Variants in PTGFR observed in about 807,000 individuals in gnomAD.
PTGFR encodes prostaglandin F2-alpha receptor.
Under a neutral mutation model 26.2 loss-of-function variants are expected in PTGFR, and 15 were observed. The ratio of observed to expected loss-of-function variants is 0.57; its 90% CI spans 0.38 to 0.88. PTGFR has a LOEUF of 0.88. PTGFR is among the 40% of genes least tolerant of loss of function. The probability of loss-of-function intolerance (pLI) is 0.00; values close to 1 mark genes in which losing one functional copy is unlikely to be tolerated. For synonymous variants in PTGFR, 165 were observed against 151.1 expected, an observed-to-expected ratio of 1.09 and a Z score of -0.68; for missense variants, 369 against 427.2, an observed-to-expected ratio of 0.86 and a Z score of 1.20.
At chr1:78,508,727 T>C (rs1649885229) in intron 2 of PTGFR, among the ~76,000 whole-genome samples, 1 of 152,204 alleles carries the variant, frequency 6.6e-6, no homozygotes, top group Non-Finnish European at 1.5e-5. Flanking sequence ...AATGTAAAGG[T>C]AAAATCACCT....
intron 2 of PTGFR, among the ~76,000 whole-genome samples, chr1:78,526,501 C>T (rs1650377102): frequency 6.6e-6 from 1 of 152,048 alleles, no homozygotes; most frequent in Non-Finnish European, 1.5e-5. Context: ...TCCAGGCATC[C>T]TAACATTTTG....
intron 2 of PTGFR, among the ~76,000 whole-genome samples, chr1:78,525,216 A>C (rs962747274): frequency 6.6e-6 from 1 of 151,856 alleles, no homozygotes; most frequent in African/African-American, 2.4e-5. Flanking sequence ...AATTTCATAG[A>C]TATATAGCAG....
chr1:78,516,249 T>C (rs1324506205), intron 2 of PTGFR, among the ~76,000 whole-genome samples: 3 of 152,210 alleles, frequency 2.0e-5, no homozygotes, highest in African/African-American at 7.2e-5. Flanking sequence ...TATTTATGAC[T>C]ATGTATGTTC....
chr1:78,539,800 A>G lies in PTGFR; in HGVS notation c.*3113A>G, dbSNP rs1246606869. The stretch of plus-strand genomic sequence containing the variant: ...GACCATATAAAACTTGAAACGCTTG[A>G]ACCTAAACTCCCGTTTTATCTGCTA... On this transcript the variant is annotated 3_prime_UTR_variant, in exon 3 of 3. Transcript: ENST00000370757. 6.6e-6 allele frequency: 1 copy of G among 152,420 alleles called. No homozygotes were observed. Among genetic ancestry groups the G allele is most frequent in the South Asian group, 2.1e-4 (1 of 4,824 alleles). The allele number at this position is 152,420 out of a possible 1,614,324, so 9.4% of individuals were successfully genotyped here.
intron 2 of PTGFR, among the ~76,000 whole-genome samples, chr1:78,534,154 G>A (rs990635300): frequency 1.3e-5 from 2 of 152,090 alleles, no homozygotes; most frequent in Non-Finnish European, 2.9e-5. Context: ...TATTCCTTTA[G>A]CTCCATGTAC....
intron 2 of PTGFR, among the ~76,000 whole-genome samples, chr1:78,495,027 T>G (rs1366119148): frequency 6.6e-6 from 1 of 152,250 alleles, no homozygotes; most frequent in Non-Finnish European, 1.5e-5. Context: ...GTTCTACTTC[T>G]CTAATATTTT....
chr1:78,524,923 T>A (rs951385115), intron 2 of PTGFR, among the ~76,000 whole-genome samples: 8 of 137,328 alleles, frequency 5.8e-5, no homozygotes, highest in Non-Finnish European at 1.1e-4. Context: ...TTTTTTTTTT[T>A]TTTTTTTTTT....
chr1:78,518,270 T>C (rs1259409327), intron 2 of PTGFR, among the ~76,000 whole-genome samples: 1 of 152,174 alleles, frequency 6.6e-6, no homozygotes, highest in Non-Finnish European at 1.5e-5. Flanking sequence ...AACTTCTCTG[T>C]TGGTTTAGCA....
chr1:78,525,638 G>A (rs755326611), intron 2 of PTGFR, among the ~76,000 whole-genome samples: 46 of 152,122 alleles, frequency 3.0e-4, no homozygotes, highest in Middle Eastern at 3.4e-3. Context: ...TCAGTCTCTA[G>A]AAGGTCAGGC....
At chr1:78,527,700 GT>G (rs1293586519) in intron 2 of PTGFR, among the ~76,000 whole-genome samples, 1 of 152,112 alleles carries the variant, frequency 6.6e-6, no homozygotes, top group Non-Finnish European at 1.5e-5. Context: ...AGTTGGTATA[GT>G]TTTGTGCATT....
chr1:78,520,655 G>A (rs1309556136), intron 2 of PTGFR, among the ~76,000 whole-genome samples: 2 of 152,026 alleles, frequency 1.3e-5, no homozygotes, highest in Non-Finnish European at 2.9e-5. Context: ...ATTTGGTGAT[G>A]ATTTGCCATT....
intron 2 of PTGFR, among the ~76,000 whole-genome samples, chr1:78,493,936 T>C (rs1166510071): frequency 6.6e-6 from 1 of 152,270 alleles, no homozygotes; most frequent in Non-Finnish European, 1.5e-5. Flanking sequence ...AAACAGGGCA[T>C]ATTAGCTACT....
chr1:78,531,142 T>C (rs1030596382), intron 2 of PTGFR, among the ~76,000 whole-genome samples: 6 of 152,170 alleles, frequency 3.9e-5, no homozygotes, highest in African/African-American at 1.4e-4. Context: ...GTATATTTGA[T>C]GGCCAGAAGT....
At chr1:78,496,004 T>TA (rs1298887043) in intron 2 of PTGFR, among the ~76,000 whole-genome samples, 4 of 152,228 alleles carry the variant, frequency 2.6e-5, no homozygotes, top group African/African-American at 9.6e-5. Context: ...GGGTAGTAGA[T>TA]CCACCACAGG....
chr1:78,497,186 A>G (rs756330926), intron 2 of PTGFR, among the ~76,000 whole-genome samples: 8 of 152,210 alleles, frequency 5.3e-5, no homozygotes, highest in Non-Finnish European at 7.4e-5. Flanking sequence ...TAGTACAAAC[A>G]TAACATTTGT....
intron 2 of PTGFR, among the ~76,000 whole-genome samples, chr1:78,529,047 T>A (rs992264494): frequency 1.3e-5 from 2 of 152,050 alleles, no homozygotes; most frequent in African/African-American, 4.8e-5. Context: ...GAGAAAAAAA[T>A]TCTCATTAAA....
intron 2 of PTGFR, among the ~76,000 whole-genome samples, chr1:78,527,304 G>A (rs1407857540): frequency 6.6e-6 from 1 of 152,032 alleles, no homozygotes; most frequent in African/African-American, 2.4e-5. Context: ...AAGACAGCAA[G>A]TTTTCATATA....
At position 78,538,915 on chromosome 1, in the gene PTGFR, T is replaced by C. The variant is rs1311448611; in HGVS notation, c.*2228T>C. On this transcript the variant is annotated 3_prime_UTR_variant, in exon 3 of 3. Coordinates refer to ENST00000370757, the MANE Select transcript of PTGFR (RefSeq NM_000959.4). ...AAGGCATTATCCAAGCAACTTCACATACTATTTAAACATGATTTCTCGGTA... is the reference window on the plus strand; with the variant it reads ...AAGGCATTATCCAAGCAACTTCACACACTATTTAAACATGATTTCTCGGTA... 6.6e-6 allele frequency: 1 copy of C among 152,106 alleles called. No homozygotes were observed. Among genetic ancestry groups the C allele is most frequent in the Non-Finnish European group, 1.5e-5 (1 of 67,982 alleles). 9.4% of individuals were successfully genotyped at this position (152,106 alleles called of 1,614,324 possible).
chr1:78,504,782 G>T (rs1649789286), intron 2 of PTGFR, among the ~76,000 whole-genome samples: 1 of 152,126 alleles, frequency 6.6e-6, no homozygotes. Context: ...TGGTTAGCCA[G>T]TTGTCCTCAA....
Sources: allele counts gnomAD v4.1 joint callset (sites outside exome capture counted in the v4.1 genomes callset), GRCh38; gene constraint gnomAD v4.1.1; transcripts MANE v1.5; gene names NCBI Gene and HGNC (gene_info 2026-07-23, HGNC 2026-07-21).